Variants in NELL2 observed in about 807,000 individuals in gnomAD.
The protein encoded by NELL2 is protein kinase C-binding protein NELL2.
In NELL2, 41 loss-of-function variants were observed where a neutral mutation model predicts 109.6. The observed-to-expected ratio is 0.37, with a 90% CI of 0.29 to 0.49. NELL2 has a LOEUF of 0.49. NELL2 is among the 20% of genes least tolerant of loss of function. NELL2 has a pLI of 0.98. For missense variants in NELL2, 900 were observed against 1,008.3 expected, an observed-to-expected ratio of 0.89 and a Z score of 1.45; for synonymous variants, 355 against 344.7, an observed-to-expected ratio of 1.03 and a Z score of -0.33.
intron 15 of NELL2, among the ~76,000 whole-genome samples, chr12:44,606,438 T>C (rs1490382132): frequency 6.6e-6 from 1 of 152,264 alleles, no homozygotes; most frequent in East Asian, 1.9e-4. Context: ...TCTGAGGTCA[T>C]CACTATTGGA....
intron 3 of NELL2, among the ~76,000 whole-genome samples, chr12:44,786,694 C>A (rs1490184004): frequency 6.6e-6 from 1 of 152,018 alleles, no homozygotes; most frequent in Non-Finnish European, 1.5e-5. Context: ...TACTATGCAG[C>A]CATAAAAAAG....
chr12:44,831,664 G>T (rs143252904), intron 2 of NELL2, among the ~76,000 whole-genome samples: 1 of 152,304 alleles, frequency 6.6e-6, no homozygotes, highest in East Asian at 1.9e-4. Context: ...GATGTGAGCA[G>T]AAGTGACAGG....
chr12:44,539,078 A>C (rs896722062), intron 15 of NELL2, among the ~76,000 whole-genome samples: 1 of 152,100 alleles, frequency 6.6e-6, no homozygotes, highest in East Asian at 1.9e-4. Flanking sequence ...TTGATCTCCT[A>C]TTACTTAATG....
intron 2 of NELL2, among the ~76,000 whole-genome samples, chr12:44,833,175 C>T (rs1943938875): frequency 6.6e-6 from 1 of 152,072 alleles, no homozygotes; most frequent in Admixed American, 6.6e-5. Context: ...TATAACATTC[C>T]TTTTTTAAAA....
At chr12:44,660,509 A>G (rs985435977) in intron 13 of NELL2, among the ~76,000 whole-genome samples, 1 of 152,206 alleles carries the variant, frequency 6.6e-6, no homozygotes. Context: ...AGATCCCAGT[A>G]GTAACCGCTT....
intron 12 of NELL2, among the ~76,000 whole-genome samples, chr12:44,683,994 G>A (rs1278353586): frequency 3.3e-5 from 5 of 152,188 alleles, no homozygotes; most frequent in African/African-American, 1.2e-4. Flanking sequence ...CAGAAGGAAT[G>A]GTACCAGTTC....
At chr12:44,532,433 G>T (rs541511244) in intron 16 of NELL2, 148 bp downstream of exon 16, 11 of 685,568 alleles carry the variant, frequency 1.6e-5, no homozygotes, top group African/African-American at 1.5e-4. Flanking sequence ...GCAAGAAAAA[G>T]TTAGATTTTA....
At chr12:44,643,783 A>G (rs987288800) in intron 13 of NELL2, among the ~76,000 whole-genome samples, 6 of 152,202 alleles carry the variant, frequency 3.9e-5, no homozygotes, top group African/African-American at 1.4e-4. Flanking sequence ...TCTATGGATA[A>G]ATATTATCCA....
chr12:44,684,182 C>G (rs1448917142), intron 12 of NELL2, among the ~76,000 whole-genome samples: 1 of 152,320 alleles, frequency 6.6e-6, no homozygotes, highest in African/African-American at 2.4e-5. Flanking sequence ...TCCATTTCTT[C>G]TAGATTTTCT....
chr12:44,829,934 T>A (rs912642876), intron 2 of NELL2, among the ~76,000 whole-genome samples: 1 of 152,168 alleles, frequency 6.6e-6, no homozygotes, highest in African/African-American at 2.4e-5. Flanking sequence ...TTTATTTTCT[T>A]TGAGATCTGA....
intron 15 of NELL2, among the ~76,000 whole-genome samples, chr12:44,555,507 C>T (rs1182636803): frequency 2.0e-5 from 3 of 152,142 alleles, no homozygotes; most frequent in African/African-American, 7.2e-5. Flanking sequence ...TGTACCCCAA[C>T]TGACACCATC....
At chr12:44,515,610 C>T (rs1314804306) in intron 19 of NELL2, among the ~76,000 whole-genome samples, 1 of 151,828 alleles carries the variant, frequency 6.6e-6, no homozygotes, top group East Asian at 1.9e-4. Flanking sequence ...CTGTGAATTT[C>T]ACTATAATAA....
intron 15 of NELL2, among the ~76,000 whole-genome samples, chr12:44,579,168 T>C (rs1241654653): frequency 1.3e-5 from 2 of 152,216 alleles, no homozygotes; most frequent in Non-Finnish European, 2.9e-5. Context: ...TGTTGTCATT[T>C]TGATTTGTTT....
intron 15 of NELL2, among the ~76,000 whole-genome samples, chr12:44,570,950 C>T (rs762378236): frequency 2.6e-5 from 4 of 152,132 alleles, no homozygotes; most frequent in Non-Finnish European, 5.9e-5. Flanking sequence ...TATTTCAAGA[C>T]GGCTATGGAA....
At chr12:44,733,459 C>A (rs1939476455) in intron 9 of NELL2, among the ~76,000 whole-genome samples, 1 of 151,802 alleles carries the variant, frequency 6.6e-6, no homozygotes, top group Admixed American at 6.6e-5. Context: ...TCAGTAACAA[C>A]AGGAGAAATA....
chr12:44,815,949 T>C lies in NELL2; in HGVS notation c.335+37A>G, dbSNP rs771469874. The C allele has an allele frequency of 4.4e-6, 7 of 1,585,074 alleles. No individual in the cohort carries two copies. The East Asian group carries it at 6.8e-5, about 15-fold the overall frequency. ...TTTAATATATTCATTTAACCACATATAATGAAAACACAGGAAACTCCAGCA... is the reference window on the plus strand; with the variant it reads ...TTTAATATATTCATTTAACCACATACAATGAAAACACAGGAAACTCCAGCA... On this transcript the variant is annotated intron_variant, in intron 3 of 19. Coordinates refer to ENST00000429094, the MANE Select transcript of NELL2 (RefSeq NM_001145108.2).
At chr12:44,687,411 C>T (rs891347416) in intron 12 of NELL2, among the ~76,000 whole-genome samples, 13 of 152,160 alleles carry the variant, frequency 8.5e-5, no homozygotes, top group South Asian at 2.1e-4. Context: ...TGTTCCTATT[C>T]GGCCATCTTG....
chr12:44,890,456 C>T (rs1945520847), intron 1 of NELL2, among the ~76,000 whole-genome samples: 1 of 152,194 alleles, frequency 6.6e-6, no homozygotes. Flanking sequence ...TTCAGAGTAG[C>T]TCTTAAGCCT....
chr12:44,772,950 A>C (rs188425064), intron 9 of NELL2, among the ~76,000 whole-genome samples: 5 of 152,324 alleles, frequency 3.3e-5, no homozygotes, highest in Admixed American at 1.3e-4. Context: ...CATTATGTCT[A>C]ACCGCATGTT....
Sources: allele counts gnomAD v4.1 joint callset (sites outside exome capture counted in the v4.1 genomes callset), GRCh38; gene constraint gnomAD v4.1.1; transcripts MANE v1.5; gene names NCBI Gene and HGNC (gene_info 2026-07-23, HGNC 2026-07-21).